The following GFOD1 variants were observed in gnomAD, a reference collection of about 807,000 sequenced individuals.
GFOD1 encodes glucose-fructose oxidoreductase domain-containing protein 1.
In GFOD1, 9 loss-of-function variants were observed where a neutral mutation model predicts 25.4. That is an observed-to-expected ratio of 0.35 (90% CI 0.21 to 0.62). GFOD1 has a LOEUF of 0.62. Ranked by LOEUF, GFOD1 falls within the 20% of genes least tolerant of loss-of-function variation. The pLI, the probability that GFOD1 is intolerant of heterozygous loss-of-function variation, is 0.72. For synonymous variants in GFOD1, 253 were observed against 245.6 expected, an observed-to-expected ratio of 1.03 and a Z score of -0.28; for missense variants, 403 against 556.9, an observed-to-expected ratio of 0.72 and a Z score of 2.78.
At chr6:13,483,638 G>A (rs1387040753) in intron 1 of GFOD1, among the ~76,000 whole-genome samples, 5 of 152,114 alleles carry the variant, frequency 3.3e-5, no homozygotes. Context: ...GACACAGAGA[G>A]TTTCAGATGG....
chr6:13,480,153 C>T (rs1166867721), intron 1 of GFOD1, among the ~76,000 whole-genome samples: 1 of 152,226 alleles, frequency 6.6e-6, no homozygotes, highest in Non-Finnish European at 1.5e-5. Context: ...TCCAGGTCCT[C>T]AGCTGATGAC....
intron 1 of GFOD1, among the ~76,000 whole-genome samples, chr6:13,380,112 G>T (rs918655339): frequency 6.6e-6 from 1 of 152,246 alleles, no homozygotes; most frequent in Non-Finnish European, 1.5e-5. Context: ...TCTTAGAGCT[G>T]CAAGAATTCA....
At chr6:13,390,721 G>GA (rs35776140) in intron 1 of GFOD1, among the ~76,000 whole-genome samples, 157 of 111,514 alleles carry the variant, frequency 1.4e-3, no homozygotes, top group Admixed American at 2.0e-3. Flanking sequence ...GAGACCCTGT[G>GA]AAAAAAAAAA....
Position 13,362,279 on chromosome 6 carries a change from AGTG to A in GFOD1, c.*2461_*2463del, listed in dbSNP as rs1300488611. 6.6e-6 allele frequency: 1 copy of A among 151,958 alleles called. No homozygotes were observed. Among genetic ancestry groups the A allele is most frequent in the Non-Finnish European group, 1.5e-5 (1 of 68,028 alleles). The allele number at this position is 151,958 out of a possible 1,614,324, so 9.4% of individuals were successfully genotyped here. ...AGATCGAGACCATGCTGGCTAATACAGTGAAACCCCGTCTCTACTAAAAATACA... is the reference window on the plus strand; with the variant it reads ...AGATCGAGACCATGCTGGCTAATACAAAACCCCGTCTCTACTAAAAATACA... On this transcript the variant is annotated 3_prime_UTR_variant, in exon 2 of 2. Transcript: ENST00000379287.
chr6:13,391,327 G>A (rs764813700), intron 1 of GFOD1, among the ~76,000 whole-genome samples: 19 of 151,786 alleles, frequency 1.3e-4, no homozygotes, highest in African/African-American at 1.7e-4. Flanking sequence ...GCAAAACCCC[G>A]TCTCTATTAA....
intron 1 of GFOD1, among the ~76,000 whole-genome samples, chr6:13,444,020 A>G (rs181742925): frequency 3.4e-4 from 52 of 152,322 alleles, no homozygotes; most frequent in Non-Finnish European, 4.9e-4. Flanking sequence ...GTATACCCAG[A>G]GGAATCTAAA....
intron 1 of GFOD1, among the ~76,000 whole-genome samples, chr6:13,483,669 C>T (rs950481218): frequency 3.9e-5 from 6 of 152,090 alleles, no homozygotes; most frequent in East Asian, 1.9e-4. Flanking sequence ...GTTTGGGAAC[C>T]GATTCCAGGG....
intron 1 of GFOD1, among the ~76,000 whole-genome samples, chr6:13,426,563 C>A (rs1446064163): frequency 6.6e-6 from 1 of 152,158 alleles, no homozygotes; most frequent in Non-Finnish European, 1.5e-5. Flanking sequence ...GCCCGGGAAG[C>A]GGCCTCTACC....
At chr6:13,463,465 G>T (rs990703317) in intron 1 of GFOD1, among the ~76,000 whole-genome samples, 1 of 152,192 alleles carries the variant, frequency 6.6e-6, no homozygotes, top group Admixed American at 6.5e-5. Flanking sequence ...GTTGGACAGC[G>T]CAAAACAGAA....
At position 13,363,686 on chromosome 6, in the gene GFOD1, G is replaced by A. The variant is rs1012761865; in HGVS notation, c.*1057C>T. On this transcript the variant is annotated 3_prime_UTR_variant, in exon 2 of 2. Transcript: ENST00000379287. The stretch of plus-strand genomic sequence containing the variant: ...TCTTGCCCAGCTTGGTAGGAGAGAT[G>A]CGCGATAGAGCCCCAAACACCTCCT... 6 of 149,676 alleles carry A rather than the reference G, an allele frequency of 4.0e-5. No individual in the cohort carries two copies. Among genetic ancestry groups the A allele is most frequent in the African/African-American group, 1.2e-4 (5 of 40,656 alleles). 9.3% of individuals were successfully genotyped at this position (149,676 alleles called of 1,614,324 possible).
chr6:13,409,129 GAAA>G (rs1786004639), intron 1 of GFOD1, among the ~76,000 whole-genome samples: 2 of 46,640 alleles, frequency 4.3e-5, no homozygotes, highest in Non-Finnish European at 1.2e-4. Flanking sequence ...AAGAAAGAAA[GAAA>G]GAAAGAAAGA....
intron 1 of GFOD1, among the ~76,000 whole-genome samples, chr6:13,462,677 G>C (rs1758312069): frequency 6.6e-6 from 1 of 152,190 alleles, no homozygotes; most frequent in East Asian, 1.9e-4. Flanking sequence ...GTTCCCAGCA[G>C]GGTCCTGAGG....
At chr6:13,418,342 A>G (rs967162577) in intron 1 of GFOD1, among the ~76,000 whole-genome samples, 1 of 152,230 alleles carries the variant, frequency 6.6e-6, no homozygotes, top group African/African-American at 2.4e-5. Context: ...TACCCTCCGG[A>G]GCTGCAAAAA....
chr6:13,437,494 G>A (rs1012125272), intron 1 of GFOD1, among the ~76,000 whole-genome samples: 16 of 152,324 alleles, frequency 1.1e-4, no homozygotes, highest in Admixed American at 9.2e-4. Context: ...TGTGGTTAGT[G>A]CAACTGAGGA....
chr6:13,428,862 A>G (rs375320942), intron 1 of GFOD1, among the ~76,000 whole-genome samples: 3 of 152,238 alleles, frequency 2.0e-5, no homozygotes, highest in African/African-American at 7.2e-5. Context: ...TCTAGCAAGA[A>G]GGTCCACTAA....
At chr6:13,461,890 G>A (rs1380085127) in intron 1 of GFOD1, among the ~76,000 whole-genome samples, 1 of 152,188 alleles carries the variant, frequency 6.6e-6, no homozygotes, top group Non-Finnish European at 1.5e-5. Flanking sequence ...CTTGCACCCT[G>A]TGTACCAAGC....
At chr6:13,441,645 A>G (rs1434453703) in intron 1 of GFOD1, among the ~76,000 whole-genome samples, 1 of 152,224 alleles carries the variant, frequency 6.6e-6, no homozygotes, top group African/African-American at 2.4e-5. Context: ...TTGTATTGGT[A>G]TAACAACATA....
intron 1 of GFOD1, among the ~76,000 whole-genome samples, chr6:13,406,282 C>T (rs898980253): frequency 6.6e-6 from 1 of 152,192 alleles, no homozygotes; most frequent in Non-Finnish European, 1.5e-5. Context: ...AAATAAAATG[C>T]CTCTCTGGCT....
At chr6:13,472,424 A>G (rs1758529373) in intron 1 of GFOD1, among the ~76,000 whole-genome samples, 2 of 152,228 alleles carry the variant, frequency 1.3e-5, no homozygotes, top group African/African-American at 2.4e-5. Context: ...GTTCACCATA[A>G]TAAGTTCTGA....
Sources: gnomAD v4.1 joint callset for allele counts (sites outside exome capture counted in the v4.1 genomes callset) on GRCh38, gnomAD v4.1.1 for gene constraint, MANE v1.5 for transcripts, NCBI Gene and HGNC (gene_info 2026-07-23, HGNC 2026-07-21) for gene names.